The following COL4A6 variants were observed in gnomAD, a reference collection of about 807,000 sequenced individuals.
The protein encoded by COL4A6 is collagen alpha-6(IV) chain.
A neutral mutation model predicts 126.7 loss-of-function variants in COL4A6; 59 were observed. The observed-to-expected ratio is 0.47, with a 90% CI of 0.38 to 0.58. COL4A6 has a LOEUF of 0.58. Among genes scored for constraint, COL4A6 ranks in the 20% least tolerant of loss-of-function variants. The pLI, the probability that COL4A6 is intolerant of heterozygous loss-of-function variation, is 0.00. For missense variants in COL4A6, 1,285 were observed against 1,337.3 expected, an observed-to-expected ratio of 0.96 and a Z score of 0.61; for synonymous variants, 547 against 496.6, an observed-to-expected ratio of 1.10 and a Z score of -1.35.
intron 17 of COL4A6, among the ~76,000 whole-genome samples, 165 bp from the exon 18 acceptor site, chrX:108,192,745 G>A (rs1224559321): frequency 2.7e-5 from 3 of 112,400 alleles, no homozygotes; most frequent in African/African-American, 9.7e-5. Flanking sequence ...GGGTCTTCTG[G>A]AGCCAAGGGG....
intron 2 of COL4A6, among the ~76,000 whole-genome samples, chrX:108,356,791 T>C (rs2039970461): frequency 9.0e-6 from 1 of 111,439 alleles, no homozygotes; most frequent in Admixed American, 9.5e-5. Flanking sequence ...TGGCAACAAG[T>C]CATCAATACA....
At chrX:108,271,909 T>C (rs2037461553) in intron 3 of COL4A6, among the ~76,000 whole-genome samples, 1 of 112,243 alleles carries the variant, frequency 8.9e-6, no homozygotes, top group African/African-American at 3.2e-5. Context: ...ACAGTGGATG[T>C]ATTTCCTGTA....
At position 108,362,055 on chromosome X, in the gene COL4A6, TTGTGTG is replaced by T. The variant is rs10548613; in HGVS notation, c.64-51233_64-51228del. Among the ~76,000 whole-genome samples the T allele has an allele frequency of 7.5e-4, 77 of 103,159 alleles. 3 individuals are homozygous for T. The highest frequency in any genetic ancestry group is 2.4e-4 in the Non-Finnish European group (12 of 49,867). The allele number at this position is 103,159 out of a possible 115,157, so 89.6% of individuals were successfully genotyped here. On this transcript the variant is annotated intron_variant, in intron 2 of 44. Transcript: ENST00000334504. ...TAGATCTCAATTCCATCAAACTAGT[TTGTGTG>T]TGTGTGTGTGTGTGTGTGTGAGAGA...
At chrX:108,358,019 T>C (rs1470848449) in intron 2 of COL4A6, among the ~76,000 whole-genome samples, 1 of 111,655 alleles carries the variant, frequency 9.0e-6, no homozygotes, top group Non-Finnish European at 1.9e-5. Flanking sequence ...AGATTCAAGG[T>C]TATTCTTGTA....
At chrX:108,334,262 C>T (rs886262422) in intron 2 of COL4A6, among the ~76,000 whole-genome samples, 2 of 111,372 alleles carry the variant, frequency 1.8e-5, no homozygotes, top group African/African-American at 6.5e-5. Context: ...CAAGTCGACA[C>T]ATAAAATTAC....
At chrX:108,298,763 C>T (rs756426318) in intron 3 of COL4A6, among the ~76,000 whole-genome samples, 19 of 109,473 alleles carry the variant, frequency 1.7e-4, no homozygotes, top group Non-Finnish European at 3.4e-4. Flanking sequence ...TGCCACATTG[C>T]AGGCTCTGGT....
Position 108,426,955 on chromosome X carries a change from G to T in COL4A6, c.63+10987C>A, listed in dbSNP as rs749504662. Among the ~76,000 whole-genome samples, 4 of 111,814 alleles carry T rather than the reference G, an allele frequency of 3.6e-5. No individual in the cohort carries two copies. In the East Asian group the frequency reaches 8.4e-4, roughly 24 times the overall value. On this transcript the variant is annotated intron_variant, in intron 2 of 44. Transcript: ENST00000334504. ...GAATTAAATACGGAACCCCCAAAAG[G>T]CTTGAGAATAGACACATGCCTCATG...
At position 108,213,848 on chromosome X, in the gene COL4A6, G is replaced by A. The variant is rs777974041; in HGVS notation, c.441+264C>T. On this transcript the variant is annotated intron_variant, in intron 6 of 44. Transcript: ENST00000334504. ...GTATTTTGCCATGAAATTTACTACA[G>A]CCTTTTAACAATCTTGCCAATTTCA... 2.6e-4 allele frequency: 81 copies of A among 313,126 alleles called. No homozygotes were observed. In the South Asian group the frequency reaches 5.2e-3, roughly 20 times the overall value. The allele number at this position is 313,126 out of a possible 1,213,427, so 25.8% of individuals were successfully genotyped here. A position where few individuals can be genotyped will look rare whatever the true frequency, so the allele number is the denominator to read the frequency against.
rs143191547 is a variant in COL4A6 at position 108,190,638 on chromosome X, C to T, written c.1322-142G>A. ...GAGACAAAAAAATAAAATTCAAGACCGGGACCCCAAATCTGCAGCAAGGAG... is the reference window on the plus strand; with the variant it reads ...GAGACAAAAAAATAAAATTCAAGACTGGGACCCCAAATCTGCAGCAAGGAG... On this transcript the variant is annotated intron_variant, in intron 19 of 44. Transcript: ENST00000334504. 1.9e-3 allele frequency: 755 copies of T among 391,984 alleles called. 4 individuals carry two copies. Among genetic ancestry groups the T allele is most frequent in the African/African-American group, 0.017 (671 of 39,224 alleles). The allele number at this position is 391,984 out of a possible 1,213,427, so 32.3% of individuals were successfully genotyped here.
chrX:108,326,643 A>G (rs1320573246), intron 2 of COL4A6, among the ~76,000 whole-genome samples: 1 of 112,598 alleles, frequency 8.9e-6, no homozygotes, highest in African/African-American at 3.2e-5. Flanking sequence ...CCACATATAT[A>G]TAGTCAACTG....
intron 8 of COL4A6, 117 bp from the exon 9 acceptor site, chrX:108,206,697 G>T (rs1294840591): frequency 3.2e-6 from 2 of 625,682 alleles, no homozygotes; most frequent in Non-Finnish European, 5.4e-6. Flanking sequence ...ATTCATAATA[G>T]TCAAAAATTG....
chrX:108,257,984 C>T (rs1049122979), intron 3 of COL4A6, among the ~76,000 whole-genome samples: 1 of 111,423 alleles, frequency 9.0e-6, no homozygotes, highest in African/African-American at 3.3e-5. Flanking sequence ...GCAGCAAGAT[C>T]GAGAAAGAAG....
intron 8 of COL4A6, among the ~76,000 whole-genome samples, chrX:108,208,045 G>T (rs2035601528): frequency 9.0e-6 from 1 of 111,382 alleles, no homozygotes. Context: ...ATCAGATAAG[G>T]TAGGCTTCGA....
intron 2 of COL4A6, among the ~76,000 whole-genome samples, chrX:108,331,326 G>A (rs1476281917): frequency 9.0e-6 from 1 of 111,674 alleles, no homozygotes; most frequent in African/African-American, 3.3e-5. Flanking sequence ...AGGCGATTTC[G>A]TCACTGTGCA....
chrX:108,295,223 T>C (rs1299212205), intron 3 of COL4A6, among the ~76,000 whole-genome samples: 1 of 112,168 alleles, frequency 8.9e-6, no homozygotes, highest in Non-Finnish European at 1.9e-5. Flanking sequence ...ATTTGGCATC[T>C]ACAGGAGGCT....
At chrX:108,392,620 A>G (rs2040862971) in intron 2 of COL4A6, among the ~76,000 whole-genome samples, 2 of 111,763 alleles carry the variant, frequency 1.8e-5, no homozygotes, top group Non-Finnish European at 3.8e-5. Flanking sequence ...TGGATCTTTG[A>G]GTCTCCCCAA....
intron 3 of COL4A6, 28 bp from the exon 4 acceptor site, chrX:108,221,402 G>A (rs751974328): frequency 1.7e-6 from 2 of 1,199,506 alleles, no homozygotes; most frequent in Non-Finnish European, 2.3e-6. Flanking sequence ...AGTGCAATTA[G>A]TCAATAGAGG....
chrX:108,196,561 C>T lies in COL4A6; in HGVS notation c.853G>A (p.Glu285Lys), dbSNP rs2035221566. The stretch of plus-strand genomic sequence containing the variant: ...CCCTTTTCTCCCTTTTCTCCCTTTT[C>T]TCCAGTAGTTCCAAGGCCCTAAATG... ...PGFPGLGTTG[E>K]KGEKGEKGIP... The change falls in exon 14 of 45, where the codon GAA (glutamate) becomes AAA (lysine). Residue 285 changes from glutamate to lysine, a missense_variant. Glu to Lys is a moderately conservative substitution (Grantham distance 56). Transcript: ENST00000334504. 3.3e-6 allele frequency: 4 copies of T among 1,203,594 alleles called. No homozygotes were observed. Among genetic ancestry groups the T allele is most frequent in the Non-Finnish European group, 4.5e-6 (4 of 890,737 alleles).
chrX:108,170,765 C>G, intron 34 of COL4A6, 45 bp downstream of exon 34: 2 of 1,202,006 alleles, frequency 1.7e-6, no homozygotes, highest in Non-Finnish European at 2.3e-6. Flanking sequence ...TGGCTTGAAG[C>G]TAATCCAAAC....
Sources: allele counts gnomAD v4.1 joint callset (sites outside exome capture counted in the v4.1 genomes callset), GRCh38; gene constraint gnomAD v4.1.1; transcripts MANE v1.5; gene names NCBI Gene and HGNC (gene_info 2026-07-23, HGNC 2026-07-21).